Variants in ZNF519 observed in about 807,000 individuals in gnomAD.
The protein encoded by ZNF519 is similar to Zinc finger protein 85 (Zinc finger protein HPF4) (HTF1).
Under a neutral mutation model 7.4 loss-of-function variants are expected in ZNF519, and 7 were observed. That is an observed-to-expected ratio of 0.94 (90% confidence interval 0.54 to 1.77). The LOEUF is 1.77. Among genes scored for constraint, ZNF519 ranks in the 40% most tolerant of loss-of-function variants. The pLI, the probability that ZNF519 is intolerant of heterozygous loss-of-function variation, is 0.00. For missense variants in ZNF519, 586 were observed against 623.1 expected (o/e 0.94, Z 0.63); for synonymous variants, 179 against 203.3 (o/e 0.88, Z 1.02).
chr18:14,084,486 G>A (rs1291105318), intron 3 of ZNF519: 4 of 152,180 alleles, frequency 2.6e-5, no homozygotes, highest in Non-Finnish European at 5.9e-5. Flanking sequence ...CCCTCCAGCT[G>A]AATGAAGCCA....
chr18:14,105,455 T>G lies in ZNF519; in HGVS notation c.1085A>C (p.Tyr362Ser), dbSNP rs1413768767. The change falls in exon 3 of 3, where the codon TAC becomes TCC. Residue 362 changes from tyrosine (Y) to serine (S), a missense_variant. Tyr to Ser is a moderately radical substitution (Grantham distance 144). Transcript: ENST00000590202. The part of the protein sequence containing the change: ...ECGKAFNRGS[Y>S]LTQHQRIHTG... Reference sequence around the variant, plus strand: ...ATGGATTCTCTGGTGTTGAGTAAGGTATGACCCCCTGTTAAAGGCTTTGCC... The same window carrying G: ...ATGGATTCTCTGGTGTTGAGTAAGGGATGACCCCCTGTTAAAGGCTTTGCC... 1 of 1,613,876 alleles carries G rather than the reference T, an allele frequency of 6.2e-7. No individual in the cohort carries two copies. The highest frequency in any genetic ancestry group is 2.2e-5 in the East Asian group (1 of 44,868).
At chr18:14,092,131 G>A (rs149045301) in intron 2 of ZNF519, among the ~76,000 whole-genome samples, 2 of 152,246 alleles carry the variant, frequency 1.3e-5, no homozygotes, top group East Asian at 1.9e-4. Flanking sequence ...GACCTAGGGG[G>A]CAGTGGAGGT....
At chr18:14,128,507 T>G (rs1351133072) in intron 1 of ZNF519, among the ~76,000 whole-genome samples, 32 of 152,126 alleles carry the variant, frequency 2.1e-4, no homozygotes, top group Admixed American at 2.1e-3. Flanking sequence ...TTGGTAATAT[T>G]TAAAGGAAAA....
intron 2 of ZNF519, among the ~76,000 whole-genome samples, chr18:14,092,435 G>A (rs1336172773): frequency 6.6e-6 from 1 of 152,132 alleles, no homozygotes; most frequent in Non-Finnish European, 1.5e-5. Flanking sequence ...AGGACTTAGA[G>A]GAGCAATCAC....
chr18:14,106,231 T>C lies in ZNF519; in HGVS notation c.309A>G (p.Gln103=), dbSNP rs772357575. The C allele has an allele frequency of 8.7e-6, 14 of 1,613,464 alleles. No individual in the cohort carries two copies. The highest frequency in any genetic ancestry group is 1.7e-4 in the Middle Eastern group (1 of 6,048). ...GQKECYNLCS[Q]YLTTSHNKHL... Reference sequence around the variant, plus strand: ...GTTTGTTATGACTAGTTGTCAAATATTGGCTACATAGATTATAACATTCCT... The same window carrying C: ...GTTTGTTATGACTAGTTGTCAAATACTGGCTACATAGATTATAACATTCCT... The change falls in exon 3 of 3, where the codon CAA becomes CAG. Residue 103 remains glutamine, a synonymous_variant. Transcript: ENST00000590202.
At position 14,106,405 on chromosome 18, in the gene ZNF519, C is replaced by G. The variant is rs777781317; in HGVS notation, c.135G>C (p.Val45=). ...AAATGCCTTGGTTGTAATAAGAATA[C>G]ACAGCTGAAAGAAGTAAAAATAACT... ...ENYRNLVSLA[V]YSYYNQGILP... is the part of the protein sequence containing the mutation. Residue 45 remains valine (V), a synonymous_variant, in exon 3 of 3, where the codon GTG becomes GTC. Coordinates refer to ENST00000590202, the MANE Select transcript of ZNF519 (RefSeq NM_145287.4). The G allele has an allele frequency of 1.4e-5, 22 of 1,581,900 alleles. No homozygotes were observed. In the East Asian group the frequency reaches 4.7e-4, roughly 34 times the overall value.
rs1004726642 is a variant in ZNF519, at chr18:14,103,463, G to C, written c.*1454C>G. 1 of 152,064 alleles carries C rather than the reference G, an allele frequency of 6.6e-6. No individual in the cohort carries two copies. The highest frequency in any genetic ancestry group is 6.5e-5 in the Admixed American group (1 of 15,280). The allele number at this position is 152,064 out of a possible 1,614,324, so 9.4% of individuals were successfully genotyped here. A position where few individuals can be genotyped will look rare whatever the true frequency, so the allele number is the denominator to read the frequency against. On this transcript the variant is annotated 3_prime_UTR_variant, in exon 3 of 3. Coordinates refer to ENST00000590202, the MANE Select transcript of ZNF519 (RefSeq NM_145287.4). The stretch of plus-strand genomic sequence containing the variant: ...CTAATTAATGTGTTAAAGAAAAAAT[G>C]AAACTGGAAAATATTTTCAGATAAA...
intron 2 of ZNF519, among the ~76,000 whole-genome samples, chr18:14,087,412 G>A (rs894240397): frequency 6.6e-6 from 1 of 152,156 alleles, no homozygotes; most frequent in African/African-American, 2.4e-5. Flanking sequence ...ATTTTTATTA[G>A]AAAATATATT....
rs1302690107 is a variant in ZNF519, at chr18:14,116,242, ATCCCC to A, written c.130+8103_130+8107del. The stretch of plus-strand genomic sequence containing the variant: ...TTTAATATTGTTAAATGACAATAGT[ATCCCC>A]AGTGATATTCAAATTCAATGTAGTC... On this transcript the variant is annotated intron_variant, in intron 2 of 2. Transcript: ENST00000590202. Among the ~76,000 whole-genome samples, 99 of 152,368 alleles carry A rather than the reference ATCCCC, an allele frequency of 6.5e-4. 2 individuals are homozygous for A. Among genetic ancestry groups the A allele is most frequent in the African/African-American group, 2.4e-3 (98 of 41,588 alleles).
chr18:14,120,364 G>A (rs1200708507), intron 2 of ZNF519, among the ~76,000 whole-genome samples: 2 of 152,030 alleles, frequency 1.3e-5, no homozygotes, highest in Non-Finnish European at 2.9e-5. Flanking sequence ...AATATAATTA[G>A]ATTATTTTCT....
At position 14,104,838 on chromosome 18, in the gene ZNF519, C is replaced by T; in HGVS notation, c.*79G>A. 2.2e-6 allele frequency: 3 copies of T among 1,361,080 alleles called. No individual in the cohort carries two copies. The highest frequency in any genetic ancestry group is 2.3e-5 in the East Asian group (1 of 42,594). 84.3% of individuals were successfully genotyped at this position (1,361,080 alleles called of 1,614,324 possible). A position where few individuals can be genotyped will look rare whatever the true frequency, so the allele number is the denominator to read the frequency against. Reference sequence around the variant, plus strand: ...TCATTACACATATGGGATTTCTATCCAGTATTGATTTTCTAATGTTGAGTA... The same window carrying T: ...TCATTACACATATGGGATTTCTATCTAGTATTGATTTTCTAATGTTGAGTA... On this transcript the variant is annotated 3_prime_UTR_variant, in exon 3 of 3. Coordinates refer to ENST00000590202, the MANE Select transcript of ZNF519 (RefSeq NM_145287.4).
chr18:14,120,452 A>G (rs2046265138), intron 2 of ZNF519, among the ~76,000 whole-genome samples: 1 of 152,308 alleles, frequency 6.6e-6, no homozygotes. Flanking sequence ...TGAAGAAAAC[A>G]TATTGGAAAA....
chr18:14,115,714 A>T (rs2046243148), intron 2 of ZNF519, among the ~76,000 whole-genome samples: 1 of 152,200 alleles, frequency 6.6e-6, no homozygotes, highest in African/African-American at 2.4e-5. Flanking sequence ...ACAAATAAAT[A>T]ATATTCAGGT....
At chr18:14,116,818 C>G (rs1224766732) in intron 2 of ZNF519, among the ~76,000 whole-genome samples, 1 of 152,098 alleles carries the variant, frequency 6.6e-6, no homozygotes, top group Non-Finnish European at 1.5e-5. Context: ...ACCAGCCTGA[C>G]CAACAGGGTG....
At position 14,100,350 on chromosome 18, in the gene ZNF519, T is replaced by A. The variant is rs1311741666; in HGVS notation, c.*4567A>T. The stretch of plus-strand genomic sequence containing the variant: ...AGAGTAATGAAAACATGTATTCATA[T>A]GAAACCTAGTACATGAATGTACATA... On this transcript the variant is annotated 3_prime_UTR_variant, in exon 3 of 3. Coordinates refer to ENST00000590202, the MANE Select transcript of ZNF519 (RefSeq NM_145287.4). The A allele has an allele frequency of 6.6e-6, 1 of 152,198 alleles. No individual in the cohort carries two copies. The highest frequency in any genetic ancestry group is 1.5e-5 in the Non-Finnish European group (1 of 68,020). 9.4% of individuals were successfully genotyped at this position (152,198 alleles called of 1,614,324 possible).
intron 1 of ZNF519, among the ~76,000 whole-genome samples, chr18:14,125,934 C>T (rs1330680797): frequency 6.6e-6 from 1 of 152,166 alleles, no homozygotes; most frequent in Admixed American, 6.5e-5. Context: ...GATCTGCCCG[C>T]CTTGGCCTCC....
chr18:14,125,112 C>T (rs2046291867), intron 1 of ZNF519, among the ~76,000 whole-genome samples: 1 of 152,158 alleles, frequency 6.6e-6, no homozygotes, highest in Non-Finnish European at 1.5e-5. Flanking sequence ...CATTATAGTA[C>T]CACTCAGCTA....
In ZNF519 at chr18:14,102,355, G is replaced by A. The variant is rs1307168430; in HGVS notation, c.*2562C>T. ...GCTAATTTTTTGTATTTTTGGTAGA[G>A]AGAGGGTTTTACTAAGTTGGCTAGG... On this transcript the variant is annotated 3_prime_UTR_variant, in exon 3 of 3. Coordinates refer to ENST00000590202, the MANE Select transcript of ZNF519 (RefSeq NM_145287.4). 1 of 152,132 alleles carries A rather than the reference G, an allele frequency of 6.6e-6. No individual in the cohort carries two copies. Among genetic ancestry groups the A allele is most frequent in the African/African-American group, 2.4e-5 (1 of 41,398 alleles). The allele number at this position is 152,132 out of a possible 1,614,324, so 9.4% of individuals were successfully genotyped here.
chr18:14,102,905 A>C lies in ZNF519; in HGVS notation c.*2012T>G, dbSNP rs954532789. 4.9e-4 allele frequency: 75 copies of C among 152,210 alleles called. 1 individual carries two copies. Among genetic ancestry groups the C allele is most frequent in the African/African-American group, 1.7e-3 (69 of 41,552 alleles). 9.4% of individuals were successfully genotyped at this position (152,210 alleles called of 1,614,324 possible). On this transcript the variant is annotated 3_prime_UTR_variant, in exon 3 of 3. Transcript: ENST00000590202. ...GATAAGGTATATAAGGGCTAGAGAA[A>C]ACAAGGAAGTAACTTCAAAAACATG...
Sources: allele counts gnomAD v4.1 joint callset (sites outside exome capture counted in the v4.1 genomes callset), GRCh38; gene constraint gnomAD v4.1.1; transcripts MANE v1.5; gene names NCBI Gene and HGNC (gene_info 2026-07-23, HGNC 2026-07-21).